The following CFAP299 variants were observed in gnomAD, a reference collection of about 807,000 sequenced individuals.
CFAP299 encodes cilia- and flagella-associated protein 299.
In CFAP299, 21 loss-of-function variants were observed where a neutral mutation model predicts 27.0. That is an observed-to-expected ratio of 0.78 (90% confidence interval 0.55 to 1.12). The LOEUF (loss-of-function observed/expected upper bound fraction) is 1.12, where lower values mean the gene tolerates loss of function less well. CFAP299 is among the 50% of genes most tolerant of loss of function. The pLI is 0.00. For missense variants in CFAP299, 310 were observed against 276.6 expected, an observed-to-expected ratio of 1.12 and a Z score of -0.86; for synonymous variants, 104 against 98.1, an observed-to-expected ratio of 1.06 and a Z score of -0.36.
At chr4:80,803,370 G>T (rs886119936) in intron 3 of CFAP299, among the ~76,000 whole-genome samples, 13 of 152,036 alleles carry the variant, frequency 8.6e-5, no homozygotes, top group Admixed American at 2.0e-4. Flanking sequence ...ACATTATTAG[G>T]ATTTTGTTGA....
At chr4:80,842,074 T>G (rs1730890968) in intron 3 of CFAP299, among the ~76,000 whole-genome samples, 1 of 151,838 alleles carries the variant, frequency 6.6e-6, no homozygotes, top group Admixed American at 6.6e-5. Flanking sequence ...GAGTGTAGAA[T>G]GAATGGGGTG....
intron 5 of CFAP299, among the ~76,000 whole-genome samples, chr4:80,945,657 C>T (rs928086471): frequency 6.6e-6 from 1 of 151,686 alleles, no homozygotes; most frequent in African/African-American, 2.4e-5. Flanking sequence ...ATGAAAGTGT[C>T]AGTCTAAAAT....
In CFAP299 at chr4:80,870,061, C is replaced by A; in HGVS notation, c.402C>A (p.His134Gln). The A allele has an allele frequency of 6.2e-7, 1 of 1,613,728 alleles. No homozygotes were observed. Among genetic ancestry groups the A allele is most frequent in the Non-Finnish European group, 8.5e-7 (1 of 1,179,734 alleles). The stretch of plus-strand genomic sequence containing the variant: ...TATCAGGATACATCGACTATGCCCA[C>A]AGGCTAAAGACGGAAGATTTTGAAG... ...QEISGYIDYA[H>Q]RLKTEDFEVY... The change falls in exon 4 of 6, where the codon CAC (histidine) becomes CAA (glutamine). Residue 134 changes from histidine to glutamine, a missense_variant. Coordinates refer to ENST00000358105, the MANE Select transcript of CFAP299 (RefSeq NM_152770.3).
rs566284874 is a variant in CFAP299 at position 80,425,358 on chromosome 4, C to T, written c.242+62474C>T. Among the ~76,000 whole-genome samples the T allele has an allele frequency of 4.6e-5, 7 of 152,270 alleles. No homozygotes were observed. In the South Asian group the frequency reaches 1.4e-3, roughly 32 times the overall value. On this transcript the variant is annotated intron_variant, in intron 2 of 5. Coordinates refer to ENST00000358105, the MANE Select transcript of CFAP299 (RefSeq NM_152770.3). Reference sequence around the variant, plus strand: ...ATGGAACAAATTCTTAGGTCTTGCTCCTGGTAATGATTTCTCCATTGGGGA... The same window carrying T: ...ATGGAACAAATTCTTAGGTCTTGCTTCTGGTAATGATTTCTCCATTGGGGA...
chr4:80,936,973 A>G (rs1473453015), intron 4 of CFAP299, among the ~76,000 whole-genome samples: 2 of 151,980 alleles, frequency 1.3e-5, no homozygotes, highest in Non-Finnish European at 2.9e-5. Flanking sequence ...CCTTTGTACT[A>G]TAGTGTTCTT....
At chr4:80,777,912 G>A (rs573285549) in intron 3 of CFAP299, among the ~76,000 whole-genome samples, 1 of 151,982 alleles carries the variant, frequency 6.6e-6, no homozygotes, top group African/African-American at 2.4e-5. Context: ...CTGGTCAATA[G>A]GTACAGGAAA....
chr4:80,339,566 T>C (rs980787684), intron 1 of CFAP299, among the ~76,000 whole-genome samples: 5 of 152,244 alleles, frequency 3.3e-5, no homozygotes, highest in African/African-American at 7.2e-5. Flanking sequence ...CACTTTATGC[T>C]ATGTACACTG....
At chr4:80,518,924 C>T (rs1366347425) in intron 2 of CFAP299, among the ~76,000 whole-genome samples, 1 of 152,016 alleles carries the variant, frequency 6.6e-6, no homozygotes, top group East Asian at 1.9e-4. Context: ...TGAAGACATA[C>T]AAATACAAAA....
At chr4:80,413,028 T>A (rs1396385030) in intron 2 of CFAP299, among the ~76,000 whole-genome samples, 1 of 152,236 alleles carries the variant, frequency 6.6e-6, no homozygotes, top group Non-Finnish European at 1.5e-5. Flanking sequence ...TTTTGAATGG[T>A]AGCCTCATAA....
In CFAP299 at chr4:80,648,909, A is replaced by T. The variant is rs192988898; in HGVS notation, c.333+65726A>T. On this transcript the variant is annotated intron_variant, in intron 3 of 5. Transcript: ENST00000358105. ...AAATTCTCTATTTTAGGGTATACAA[A>T]AATGGTTAAAACTCTGTCCAAGCTT... The T allele has an allele frequency of 3.9e-5, 6 of 152,282 alleles. No individual in the cohort carries two copies. The East Asian group carries it at 1.2e-3, about 29-fold the overall frequency. 9.4% of individuals were successfully genotyped at this position (152,282 alleles called of 1,614,324 possible).
chr4:80,857,187 A>C (rs1731964621), intron 3 of CFAP299, among the ~76,000 whole-genome samples: 1 of 152,222 alleles, frequency 6.6e-6, no homozygotes, highest in South Asian at 2.1e-4. Flanking sequence ...GAGTTCACTC[A>C]TGATTTGGCT....
rs187387114 is a variant in CFAP299, at chr4:80,820,297, G to A, written c.334-49696G>A. ...ATTTATTGAATTTCTACTATATGAAGCCTATTCCAGGCACAAGGATACAAG... is the reference window on the plus strand; with the variant it reads ...ATTTATTGAATTTCTACTATATGAAACCTATTCCAGGCACAAGGATACAAG... On this transcript the variant is annotated intron_variant, in intron 3 of 5. Transcript: ENST00000358105. 7.2e-5 allele frequency among the ~76,000 whole-genome samples: 11 copies of A among 152,118 alleles called. No homozygotes were observed. In the East Asian group the frequency reaches 2.1e-3, roughly 29 times the overall value.
intron 4 of CFAP299, among the ~76,000 whole-genome samples, chr4:80,884,626 TA>T (rs1343362417): frequency 8.8e-6 from 1 of 113,324 alleles, no homozygotes; most frequent in South Asian, 2.8e-4. Flanking sequence ...TATAAAATAA[TA>T]AAAATAATAA....
At chr4:80,651,409 A>G (rs1203026328) in intron 3 of CFAP299, among the ~76,000 whole-genome samples, 1 of 140,066 alleles carries the variant, frequency 7.1e-6, no homozygotes, top group East Asian at 2.1e-4. Context: ...TGTGTCACCC[A>G]GGCTTGACTG....
intron 4 of CFAP299, among the ~76,000 whole-genome samples, chr4:80,936,494 A>G (rs543430900): frequency 3.2e-4 from 48 of 152,278 alleles, no homozygotes; most frequent in African/African-American, 1.2e-3. Context: ...TTATGGGAAC[A>G]TATAGAGCTG....
intron 2 of CFAP299, among the ~76,000 whole-genome samples, chr4:80,521,444 A>G (rs1464055578): frequency 6.6e-6 from 1 of 152,190 alleles, no homozygotes; most frequent in Non-Finnish European, 1.5e-5. Flanking sequence ...TAGGTAAACG[A>G]TTATTTTGTT....
At chr4:80,602,662 G>A (rs1411262769) in intron 3 of CFAP299, among the ~76,000 whole-genome samples, 1 of 151,974 alleles carries the variant, frequency 6.6e-6, no homozygotes, top group African/African-American at 2.4e-5. Context: ...TTCCTTCCTT[G>A]GTTGCTTAGT....
At chr4:80,818,935 C>A (rs564048656) in intron 3 of CFAP299, among the ~76,000 whole-genome samples, 1 of 152,128 alleles carries the variant, frequency 6.6e-6, no homozygotes, top group Non-Finnish European at 1.5e-5. Flanking sequence ...AAAATAACTT[C>A]TCAGTGTTAT....
At chr4:80,617,293 T>C (rs1181665857) in intron 3 of CFAP299, among the ~76,000 whole-genome samples, 1 of 152,174 alleles carries the variant, frequency 6.6e-6, no homozygotes, top group African/African-American at 2.4e-5. Flanking sequence ...ATGTCATATT[T>C]ACCTGGAGTT....
Sources: gnomAD v4.1 joint callset for allele counts (sites outside exome capture counted in the v4.1 genomes callset) on GRCh38, gnomAD v4.1.1 for gene constraint, MANE v1.5 for transcripts, NCBI Gene and HGNC (gene_info 2026-07-23, HGNC 2026-07-21) for gene names.